The following RERE variants were observed in gnomAD, a reference collection of about 807,000 sequenced individuals.
RERE encodes arginine-glutamic acid dipeptide repeats, also known as arginine-glutamic acid dipeptide repeats protein.
RERE carries 40 observed loss-of-function variants against 146.1 expected under a neutral mutation model. The ratio of observed to expected loss-of-function variants is 0.27; its 90% CI spans 0.21 to 0.36. The LOEUF (loss-of-function observed/expected upper bound fraction) is 0.36. RERE is among the 10% of genes least tolerant of loss of function. The pLI is 1.00. For missense variants in RERE, 1,933 were observed against 2,138.7 expected (o/e 0.90, Z 1.90); for synonymous variants, 1,003 against 866.0 (o/e 1.16, Z -2.78).
chr1:8,578,143 C>T (rs1032921897), intron 4 of RERE, among the ~76,000 whole-genome samples: 5 of 152,002 alleles, frequency 3.3e-5, no homozygotes, highest in South Asian at 4.1e-4. Context: ...TAAGGTGTAA[C>T]TGAAACCTGT....
intron 11 of RERE, chr1:8,425,120 A>G (rs988126156): frequency 2.0e-5 from 3 of 151,816 alleles, no homozygotes; most frequent in African/African-American, 7.3e-5. Flanking sequence ...CAGACCAGTT[A>G]AAGAGGCTGC....
At position 8,497,656 on chromosome 1, in the gene RERE, TAAC is replaced by T. The variant is rs1645063291; in HGVS notation, c.880-130_880-128del. 3.1e-6 allele frequency: 3 copies of T among 977,674 alleles called. No individual in the cohort carries two copies. The African/African-American group carries it at 4.9e-5, about 16-fold the overall frequency. 60.6% of individuals were successfully genotyped at this position (977,674 alleles called of 1,614,324 possible). ...ACTCTTTCCTTGGACAGCAGAAAAATAACAACAAAACCATGAGTCATTTAAACT... is the reference window on the plus strand; with the variant it reads ...ACTCTTTCCTTGGACAGCAGAAAAATAACAAAACCATGAGTCATTTAAACT... On this transcript the variant is annotated intron_variant, in intron 8 of 22. Coordinates refer to ENST00000400908, the MANE Select transcript of RERE (RefSeq NM_001042681.2).
At chr1:8,778,503 A>G (rs1021525118) in intron 1 of RERE, among the ~76,000 whole-genome samples, 1 of 152,202 alleles carries the variant, frequency 6.6e-6, no homozygotes, top group Admixed American at 6.5e-5. Flanking sequence ...AGAAGACTTC[A>G]TTTTTTACAG....
intron 3 of RERE, 41 bp from the exon 4 acceptor site, chr1:8,614,727 C>T (rs1646831341): frequency 6.4e-7 from 1 of 1,569,674 alleles, no homozygotes. Context: ...GCCCAACGCC[C>T]CATCATGCCC....
chr1:8,716,238 G>C (rs1480839896), intron 1 of RERE, among the ~76,000 whole-genome samples: 1 of 148,862 alleles, frequency 6.7e-6, no homozygotes, highest in Non-Finnish European at 1.5e-5. Context: ...CAAGGTGGCA[G>C]GATCACTTGA....
chr1:8,525,343 A>G (rs1645556723), intron 7 of RERE, among the ~76,000 whole-genome samples: 1 of 152,210 alleles, frequency 6.6e-6, no homozygotes, highest in Non-Finnish European at 1.5e-5. Context: ...ATCCTTCCTA[A>G]AACATCCAAA....
chr1:8,433,952 T>C (rs1557630308), intron 11 of RERE, among the ~76,000 whole-genome samples: 1 of 152,210 alleles, frequency 6.6e-6, no homozygotes, highest in Non-Finnish European at 1.5e-5. Context: ...CTCTTTTCTG[T>C]TTCCTTTCTT....
chr1:8,354,269 A>G lies in RERE; in HGVS notation c.*818T>C, dbSNP rs1160892437. 1 of 152,632 alleles carries G rather than the reference A, an allele frequency of 6.6e-6. No individual in the cohort carries two copies. The highest frequency in any genetic ancestry group is 1.5e-5 in the Non-Finnish European group (1 of 68,046). The allele number at this position is 152,632 out of a possible 1,614,324, so 9.5% of individuals were successfully genotyped here. ...CTGGCAGAGCACAGGCTAGGAGCAG[A>G]CACAAGTGAAACGCCAGGCAGAAAA... On this transcript the variant is annotated 3_prime_UTR_variant, in exon 23 of 23. Coordinates refer to ENST00000400908, the MANE Select transcript of RERE (RefSeq NM_001042681.2).
At chr1:8,639,477 T>C (rs537472319) in intron 2 of RERE, among the ~76,000 whole-genome samples, 2 of 152,330 alleles carry the variant, frequency 1.3e-5, no homozygotes, top group East Asian at 1.9e-4. Context: ...GCTCCGAGTT[T>C]TTCTCCAACC....
intron 4 of RERE, among the ~76,000 whole-genome samples, chr1:8,567,317 T>A (rs543966026): frequency 6.6e-6 from 1 of 152,188 alleles, no homozygotes; most frequent in African/African-American, 2.4e-5. Flanking sequence ...CTATCAGATG[T>A]TGAAGCATGA....
rs572289938 is a variant in RERE, at chr1:8,581,363, T to C, written c.523-23840A>G. Among the ~76,000 whole-genome samples the C allele has an allele frequency of 4.6e-5, 7 of 152,340 alleles. No individual in the cohort carries two copies. In the South Asian group the frequency reaches 1.4e-3, roughly 32 times the overall value. ...TGTTGTTTGTTGGAAGGTATTTTTT[T>C]AAATGTATTCTGCATCCAATTGCTT... On this transcript the variant is annotated intron_variant, in intron 4 of 22. Coordinates refer to ENST00000400908, the MANE Select transcript of RERE (RefSeq NM_001042681.2).
chr1:8,478,973 A>C (rs990251101), intron 10 of RERE, among the ~76,000 whole-genome samples: 34 of 152,238 alleles, frequency 2.2e-4, no homozygotes, highest in African/African-American at 7.5e-4. Flanking sequence ...TATTCTTTGC[A>C]TAAGGAAGCC....
At chr1:8,589,734 A>C (rs1322306742) in intron 4 of RERE, among the ~76,000 whole-genome samples, 1 of 152,186 alleles carries the variant, frequency 6.6e-6, no homozygotes, top group Non-Finnish European at 1.5e-5. Flanking sequence ...CAGTTCTGTG[A>C]CCTGGACAGC....
intron 12 of RERE, among the ~76,000 whole-genome samples, chr1:8,402,243 G>A (rs1643287685): frequency 6.6e-6 from 1 of 152,192 alleles, no homozygotes. Flanking sequence ...GGAAGCCCAA[G>A]CCAAATGCAG....
chr1:8,602,611 C>T (rs1227807340), intron 4 of RERE, among the ~76,000 whole-genome samples: 15 of 151,834 alleles, frequency 9.9e-5, no homozygotes, highest in African/African-American at 3.4e-4. Context: ...TGTTTGGTTT[C>T]GTGCCCCTCT....
chr1:8,673,495 A>G lies in RERE; in HGVS notation c.-144-17054T>C, dbSNP rs1339660024. On this transcript the variant is annotated intron_variant, in intron 1 of 22. Coordinates refer to ENST00000400908, the MANE Select transcript of RERE (RefSeq NM_001042681.2). ...CTGTTTACCATGTAACATATTCTCT[A>G]ATAAAAATTCATACCCCCTGACAAT... Among the ~76,000 whole-genome samples, 4 of 152,208 alleles carry G rather than the reference A, an allele frequency of 2.6e-5. 1 individual carries two copies. Among genetic ancestry groups the G allele is most frequent in the African/African-American group, 9.7e-5 (4 of 41,450 alleles).
intron 4 of RERE, among the ~76,000 whole-genome samples, chr1:8,578,201 CT>C (rs1309761888): frequency 6.6e-6 from 1 of 152,116 alleles, no homozygotes; most frequent in Admixed American, 6.6e-5. Flanking sequence ...CATATTTTGT[CT>C]ATGTTTCGTA....
intron 2 of RERE, among the ~76,000 whole-genome samples, chr1:8,635,436 C>G (rs959346607): frequency 6.6e-6 from 1 of 152,142 alleles, no homozygotes; most frequent in Non-Finnish European, 1.5e-5. Flanking sequence ...TAAAATGAGA[C>G]GAGAGCTTCT....
intron 7 of RERE, among the ~76,000 whole-genome samples, chr1:8,511,496 C>T (rs879585842): frequency 5.3e-5 from 8 of 152,140 alleles, no homozygotes; most frequent in Non-Finnish European, 8.8e-5. Context: ...TGGCATTAGC[C>T]TACTATATGC....
Sources: gnomAD v4.1 joint callset for allele counts (sites outside exome capture counted in the v4.1 genomes callset) on GRCh38, gnomAD v4.1.1 for gene constraint, MANE v1.5 for transcripts, NCBI Gene and HGNC (gene_info 2026-07-23, HGNC 2026-07-21) for gene names.